SLIT2: variants seen among roughly 807,000 people sequenced by gnomAD.
SLIT2 encodes slit guidance ligand 2, also known as slit homolog 2 protein.
Under a neutral mutation model 185.7 loss-of-function variants are expected in SLIT2, and 41 were observed. The observed-to-expected ratio is 0.22, with a 90% CI of 0.17 to 0.29. The LOEUF (loss-of-function observed/expected upper bound fraction) is 0.29, where lower values mean the gene tolerates loss of function less well. Among genes scored for constraint, SLIT2 ranks in the 10% least tolerant of loss-of-function variants. The probability of loss-of-function intolerance (pLI) is 1.00; values close to 1 mark genes in which losing one functional copy is unlikely to be tolerated. For synonymous variants in SLIT2, 693 were observed against 680.2 expected, an observed-to-expected ratio of 1.02 and a Z score of -0.29; for missense variants, 1,571 against 1,909.0, an observed-to-expected ratio of 0.82 and a Z score of 3.30.
At chr4:20,503,390 C>T (rs1265051354) in intron 9 of SLIT2, among the ~76,000 whole-genome samples, 4 of 152,070 alleles carry the variant, frequency 2.6e-5, no homozygotes, top group African/African-American at 9.7e-5. Flanking sequence ...AGAGTTAGCT[C>T]AGTGTCTAAT....
chr4:20,285,119 G>C (rs376757819), intron 4 of SLIT2, among the ~76,000 whole-genome samples: 1 of 152,322 alleles, frequency 6.6e-6, no homozygotes, highest in African/African-American at 2.4e-5. Flanking sequence ...GCACATAAAA[G>C]GCCATTATCT....
At chr4:20,496,133 T>G (rs903437579) in intron 9 of SLIT2, among the ~76,000 whole-genome samples, 9 of 152,196 alleles carry the variant, frequency 5.9e-5, no homozygotes, top group African/African-American at 2.2e-4. Context: ...TCTCATGATA[T>G]AATTCTAATG....
In SLIT2 at chr4:20,472,587, TAG is replaced by T. The variant is rs1491540914; in HGVS notation, c.467+4766_467+4767del. Reference sequence around the variant, plus strand: ...ATCTATATATAGATATATCTATATATAGATATATATCTATAGATATATCTATA... The same window carrying T: ...ATCTATATATAGATATATCTATATATATATATATCTATAGATATATCTATA... On this transcript the variant is annotated intron_variant, in intron 5 of 36. Coordinates refer to ENST00000504154, the MANE Select transcript of SLIT2 (RefSeq NM_004787.4). Among the ~76,000 whole-genome samples, 11 of 31,014 alleles carry T rather than the reference TAG, an allele frequency of 3.5e-4. 5 individuals carry two copies. Among genetic ancestry groups the T allele is most frequent in the African/African-American group, 1.5e-3 (6 of 4,048 alleles). 20.3% of individuals were successfully genotyped at this position (31,014 alleles called of 152,430 possible).
intron 4 of SLIT2, among the ~76,000 whole-genome samples, chr4:20,426,514 G>A (rs1440344879): frequency 1.3e-5 from 2 of 152,160 alleles, no homozygotes; most frequent in African/African-American, 4.8e-5. Flanking sequence ...CACTGTGTAA[G>A]ATGCTATTAA....
intron 4 of SLIT2, among the ~76,000 whole-genome samples, chr4:20,280,849 T>TTTTTTTTTTTA (rs1714689258): frequency 2.0e-5 from 3 of 149,824 alleles, no homozygotes; most frequent in African/African-American, 7.3e-5. Flanking sequence ...TTTTTTTTTT[T>TTTTTTTTTTTA]GAGACGGAGT....
In SLIT2 at chr4:20,472,255, G is replaced by GATATATATCTATATATCTATATAT. The variant is rs1191025385; in HGVS notation, c.467+4434_467+4435insATATATCTATATATCTATATATAT. ...ATATAGATCTATATATCTATATATA[G>GATATATATCTATATATCTATATAT]ATCTATATATAGATATATATCTATA... is the stretch of plus-strand genomic sequence containing the variant. On this transcript the variant is annotated intron_variant, in intron 5 of 36. Transcript: ENST00000504154. Among the ~76,000 whole-genome samples the GATATATATCTATATATCTATATAT allele has an allele frequency of 5.0e-4, 11 of 21,896 alleles. 1 individual carries two copies. The highest frequency in any genetic ancestry group is 1.5e-3 in the African/African-American group (10 of 6,560). The allele number at this position is 21,896 out of a possible 152,430, so 14.4% of individuals were successfully genotyped here. A position where few individuals can be genotyped will look rare whatever the true frequency, so the allele number is the denominator to read the frequency against.
chr4:20,526,460 C>T (rs1397847969), intron 15 of SLIT2, among the ~76,000 whole-genome samples: 2 of 152,132 alleles, frequency 1.3e-5, no homozygotes, highest in African/African-American at 2.4e-5. Context: ...ATATTCTAAA[C>T]ACCAGACTAC....
chr4:20,447,788 G>A (rs1431516838), intron 4 of SLIT2, among the ~76,000 whole-genome samples: 3 of 152,154 alleles, frequency 2.0e-5, no homozygotes, highest in Non-Finnish European at 2.9e-5. Flanking sequence ...ACGGACACAC[G>A]CAAGTGCCCA....
chr4:20,301,178 GCTT>G (rs968709465), intron 4 of SLIT2, among the ~76,000 whole-genome samples: 57 of 152,138 alleles, frequency 3.7e-4, no homozygotes, highest in African/African-American at 1.3e-3. Flanking sequence ...ATATTGAAGA[GCTT>G]TAAAAATTAG....
intron 4 of SLIT2, among the ~76,000 whole-genome samples, chr4:20,385,618 ATT>A (rs1724875023): frequency 1.3e-5 from 2 of 152,142 alleles, no homozygotes; most frequent in African/African-American, 4.8e-5. Context: ...AGTCAGTTGC[ATT>A]TCTCTTCAGG....
At chr4:20,508,503 A>T (rs1158568887) in intron 9 of SLIT2, among the ~76,000 whole-genome samples, 2 of 152,114 alleles carry the variant, frequency 1.3e-5, no homozygotes, top group Non-Finnish European at 2.9e-5. Flanking sequence ...ATGTTAAATG[A>T]TATAGCAATA....
chr4:20,619,197 G>A lies in SLIT2; in HGVS notation c.*188G>A. On this transcript the variant is annotated 3_prime_UTR_variant, in exon 37 of 37. Transcript: ENST00000504154. The stretch of plus-strand genomic sequence containing the variant: ...AAAAAAAAGAAATGCTTGAACTAAA[G>A]CTTCCCCTATGCTGGAGAAGTATGA... The A allele has an allele frequency of 1.7e-6, 1 of 583,418 alleles. No homozygotes were observed. Among genetic ancestry groups the A allele is most frequent in the South Asian group, 2.9e-5 (1 of 34,678 alleles). The allele number at this position is 583,418 out of a possible 1,614,324, so 36.1% of individuals were successfully genotyped here.
At chr4:20,436,030 A>G (rs1296891355) in intron 4 of SLIT2, among the ~76,000 whole-genome samples, 2 of 152,232 alleles carry the variant, frequency 1.3e-5, no homozygotes, top group Non-Finnish European at 2.9e-5. Context: ...GCTATGTGCC[A>G]TGCTTCTTAC....
intron 3 of SLIT2, among the ~76,000 whole-genome samples, chr4:20,258,856 T>G (rs1345721818): frequency 6.6e-6 from 1 of 151,662 alleles, no homozygotes; most frequent in Non-Finnish European, 1.5e-5. Context: ...TAAGTAAAAA[T>G]AATTTTTTTC....
intron 29 of SLIT2, among the ~76,000 whole-genome samples, chr4:20,577,925 A>G (rs189073013): frequency 3.0e-4 from 46 of 152,318 alleles, no homozygotes; most frequent in Non-Finnish European, 5.9e-4. Flanking sequence ...TTGATAATGG[A>G]GCTCATAGTC....
chr4:20,480,788 G>A lies in SLIT2; in HGVS notation c.539+1G>A. 6.2e-7 allele frequency: 1 copy of A among 1,605,494 alleles called. No individual in the cohort carries two copies. Among genetic ancestry groups the A allele is most frequent in the Non-Finnish European group, 8.5e-7 (1 of 1,172,140 alleles). On this transcript the variant is annotated splice_donor_variant, in intron 6 of 36. Transcript: ENST00000504154. LOFTEE classifies it high-confidence loss of function. The stretch of plus-strand genomic sequence containing the variant: ...GGGCTCTCCGGGACCTGGAAGTGCT[G>A]TAAGTACTGCTATTTCTCTTGCTCT...
intron 4 of SLIT2, among the ~76,000 whole-genome samples, chr4:20,414,646 G>A (rs759069054): frequency 7.2e-5 from 11 of 152,220 alleles, no homozygotes; most frequent in Non-Finnish European, 1.0e-4. Flanking sequence ...TAGAATCCTT[G>A]CATGACATCT....
intron 4 of SLIT2, among the ~76,000 whole-genome samples, chr4:20,457,083 G>A (rs1255177641): frequency 6.6e-6 from 1 of 151,956 alleles, no homozygotes; most frequent in African/African-American, 2.4e-5. Flanking sequence ...CTGGTAAATA[G>A]GTAATTTTCT....
At chr4:20,609,742 T>A (rs1281075562) in intron 33 of SLIT2, among the ~76,000 whole-genome samples, 1 of 152,210 alleles carries the variant, frequency 6.6e-6, no homozygotes, top group East Asian at 1.9e-4. Flanking sequence ...ATTGAGAGAA[T>A]GTGGCTGGAT....
Sources: allele counts gnomAD v4.1 joint callset (sites outside exome capture counted in the v4.1 genomes callset), GRCh38; gene constraint gnomAD v4.1.1; transcripts MANE v1.5; gene names NCBI Gene and HGNC (gene_info 2026-07-23, HGNC 2026-07-21).